The following DGCR2 variants were observed in gnomAD, a reference collection of about 807,000 sequenced individuals.
DGCR2 encodes the protein DiGeorge syndrome critical region gene 2.
In DGCR2, 24 loss-of-function variants were observed where a neutral mutation model predicts 51.6. The observed-to-expected ratio is 0.47, with a 90% CI of 0.34 to 0.65. The LOEUF (loss-of-function observed/expected upper bound fraction) is 0.65, where lower values mean the gene tolerates loss of function less well. Ranked by LOEUF, DGCR2 falls within the 30% of genes least tolerant of loss-of-function variation. The pLI, the probability that DGCR2 is intolerant of heterozygous loss-of-function variation, is 0.01. For missense variants in DGCR2, 765 were observed against 772.1 expected, an observed-to-expected ratio of 0.99 and a Z score of 0.11; for synonymous variants, 340 against 315.4, an observed-to-expected ratio of 1.08 and a Z score of -0.82.
chr22:19,081,930 T>C (rs928017902), intron 2 of DGCR2, among the ~76,000 whole-genome samples: 2 of 152,240 alleles, frequency 1.3e-5, no homozygotes, highest in Admixed American at 1.3e-4. Flanking sequence ...ATCTACGAAA[T>C]GCTTTATAGG....
At position 19,092,357 on chromosome 22, in the gene DGCR2, T is replaced by A. The variant is rs1319647992; in HGVS notation, c.80-2867A>T. ...AGACTCCATCTTAAAAAAAAAAAAA[T>A]ACTACTATCAGAAGAGAGATGTCAT... On this transcript the variant is annotated intron_variant, in intron 1 of 9. Coordinates refer to ENST00000263196, the MANE Select transcript of DGCR2 (RefSeq NM_005137.3). Among the ~76,000 whole-genome samples, 4 of 139,126 alleles carry A rather than the reference T, an allele frequency of 2.9e-5. No individual in the cohort carries two copies. The South Asian group carries it at 9.6e-4, about 33-fold the overall frequency. 91.3% of individuals were successfully genotyped at this position (139,126 alleles called of 152,430 possible). A position where few individuals can be genotyped will look rare whatever the true frequency, so the allele number is the denominator to read the frequency against.
intron 7 of DGCR2, among the ~76,000 whole-genome samples, chr22:19,044,877 C>T (rs1214630219): frequency 6.6e-6 from 1 of 152,090 alleles, no homozygotes; most frequent in African/African-American, 2.4e-5. Flanking sequence ...GAATACAGAC[C>T]TTTGATCTGT....
intron 7 of DGCR2, chr22:19,047,874 G>T: frequency 6.3e-6 from 1 of 158,450 alleles, no homozygotes; most frequent in Admixed American, 6.0e-5. Flanking sequence ...CTAGAGAACA[G>T]GAAGAGCTCC....
chr22:19,087,242 CCAGA>C (rs1255536016), intron 2 of DGCR2, among the ~76,000 whole-genome samples: 1 of 152,138 alleles, frequency 6.6e-6, no homozygotes, highest in African/African-American at 2.4e-5. Flanking sequence ...AGAGAGGCTC[CCAGA>C]CAAAGGACTG....
intron 2 of DGCR2, among the ~76,000 whole-genome samples, chr22:19,072,356 C>A (rs117580398): frequency 6.6e-6 from 1 of 152,168 alleles, no homozygotes; most frequent in South Asian, 2.1e-4. Context: ...CCAGCTGGTT[C>A]ACCCTCCAGG....
At chr22:19,056,566 A>AAAAC (rs1555902464) in intron 6 of DGCR2, 103 of 333,346 alleles carry the variant, frequency 3.1e-4, no homozygotes, top group South Asian at 5.3e-4. Context: ...AAAAAAAAAA[A>AAAAC]ACACACACAC....
At chr22:19,115,038 C>T (rs920833534) in intron 1 of DGCR2, among the ~76,000 whole-genome samples, 1 of 152,166 alleles carries the variant, frequency 6.6e-6, no homozygotes, top group South Asian at 2.1e-4. Flanking sequence ...AGAACAATGA[C>T]CAGCTCAGAG....
chr22:19,112,777 A>G lies in DGCR2; in HGVS notation c.79+9351T>C, dbSNP rs1297544063. Among the ~76,000 whole-genome samples, 8 of 144,436 alleles carry G rather than the reference A, an allele frequency of 5.5e-5. 2 individuals are homozygous for G. The Admixed American group carries it at 5.5e-4, about 10-fold the overall frequency. 94.8% of individuals were successfully genotyped at this position (144,436 alleles called of 152,430 possible). A position where few individuals can be genotyped will look rare whatever the true frequency, so the allele number is the denominator to read the frequency against. ...CCTAACTGTGTAACAATCACATGGAAGAGAGAAGAGAATTAATCCAAGTAG... is the reference window on the plus strand; with the variant it reads ...CCTAACTGTGTAACAATCACATGGAGGAGAGAAGAGAATTAATCCAAGTAG... On this transcript the variant is annotated intron_variant, in intron 1 of 9. Coordinates refer to ENST00000263196, the MANE Select transcript of DGCR2 (RefSeq NM_005137.3).
intron 2 of DGCR2, among the ~76,000 whole-genome samples, chr22:19,069,822 G>A (rs1369483819): frequency 1.3e-5 from 2 of 152,180 alleles, no homozygotes; most frequent in African/African-American, 4.8e-5. Context: ...AATAAGCATA[G>A]TTCCATAGCT....
At chr22:19,072,998 T>C (rs2082832939) in intron 2 of DGCR2, among the ~76,000 whole-genome samples, 1 of 152,158 alleles carries the variant, frequency 6.6e-6, no homozygotes, top group Admixed American at 6.5e-5. Context: ...GGCTCACACC[T>C]GTAATCCCAA....
chr22:19,118,499 C>T (rs1410037706), intron 1 of DGCR2, among the ~76,000 whole-genome samples: 1 of 151,978 alleles, frequency 6.6e-6, no homozygotes, highest in African/African-American at 2.4e-5. Context: ...AGAGAAAGAA[C>T]CCTGAGCTAG....
intron 1 of DGCR2, among the ~76,000 whole-genome samples, chr22:19,100,355 C>T (rs2083188038): frequency 6.6e-6 from 1 of 152,186 alleles, no homozygotes; most frequent in African/African-American, 2.4e-5. Flanking sequence ...TGTCACCTTG[C>T]TGTAGCATGG....
intron 2 of DGCR2, among the ~76,000 whole-genome samples, chr22:19,073,978 C>T (rs1363709103): frequency 6.6e-6 from 1 of 152,040 alleles, no homozygotes; most frequent in Admixed American, 6.6e-5. Flanking sequence ...CCACCAGGGG[C>T]GTCTGGGAAA....
chr22:19,095,718 C>G (rs1165024434), intron 1 of DGCR2, among the ~76,000 whole-genome samples: 1 of 143,474 alleles, frequency 7.0e-6, no homozygotes, highest in Non-Finnish European at 1.5e-5. Flanking sequence ...TATTATAAGT[C>G]AATTATACCT....
chr22:19,083,695 C>T (rs1471419158), intron 2 of DGCR2, among the ~76,000 whole-genome samples: 3 of 96,822 alleles, frequency 3.1e-5, no homozygotes, highest in African/African-American at 1.3e-4. Context: ...TCCCTCTCCC[C>T]CCTCCCCCTC....
intron 1 of DGCR2, among the ~76,000 whole-genome samples, chr22:19,103,145 A>G (rs1454273136): frequency 6.6e-6 from 1 of 152,220 alleles, no homozygotes; most frequent in Non-Finnish European, 1.5e-5. Flanking sequence ...CCAGACACAA[A>G]GGACAACATA....
At chr22:19,070,713 G>A (rs777773957) in intron 2 of DGCR2, among the ~76,000 whole-genome samples, 1 of 152,218 alleles carries the variant, frequency 6.6e-6, no homozygotes, top group Non-Finnish European at 1.5e-5. Flanking sequence ...ACTCTGTTGA[G>A]CAGGCTTCTC....
intron 5 of DGCR2, 135 bp downstream of exon 5, chr22:19,063,067 G>C: frequency 7.9e-6 from 6 of 759,052 alleles, no homozygotes; most frequent in Non-Finnish European, 1.3e-5. Flanking sequence ...AGCCCTCCCT[G>C]CAACTGGGGC....
At chr22:19,098,096 G>C (rs1341215854) in intron 1 of DGCR2, among the ~76,000 whole-genome samples, 2 of 151,826 alleles carry the variant, frequency 1.3e-5, no homozygotes, top group Non-Finnish European at 2.9e-5. Flanking sequence ...AAAAAAAATA[G>C]TTATCAAAAG....
Sources: allele counts gnomAD v4.1 joint callset (sites outside exome capture counted in the v4.1 genomes callset), GRCh38; gene constraint gnomAD v4.1.1; transcripts MANE v1.5; gene names NCBI Gene and HGNC (gene_info 2026-07-23, HGNC 2026-07-21).